MYH7: variants seen among roughly 807,000 people sequenced by gnomAD.
The protein encoded by MYH7 is myosin heavy chain 7, also known as myosin-7.
Under a neutral mutation model 225.4 loss-of-function variants are expected in MYH7, and 129 were observed. That is an observed-to-expected ratio of 0.57 (90% CI 0.50 to 0.66). The LOEUF (loss-of-function observed/expected upper bound fraction) is 0.66. Ranked by LOEUF, MYH7 falls within the 30% of genes least tolerant of loss-of-function variation. The pLI is 0.00. For missense variants in MYH7, 1,649 were observed against 2,517.0 expected, an observed-to-expected ratio of 0.66 and a Z score of 7.38; for synonymous variants, 971 against 1,007.6, an observed-to-expected ratio of 0.96 and a Z score of 0.69.
At chr14:23,420,816 A>G in intron 26 of MYH7, 142 bp downstream of exon 26, 1 of 707,448 alleles carries the variant, frequency 1.4e-6, no homozygotes, top group East Asian at 2.7e-5. Flanking sequence ...ATCCATGGGC[A>G]CACTGTGATA....
chr14:23,432,413 C>A (rs1892985304), intron 6 of MYH7, 66 bp downstream of exon 6: 2 of 1,602,382 alleles, frequency 1.2e-6, no homozygotes, highest in Admixed American at 1.7e-5. Context: ...GCCTGGGACA[C>A]CTGATGGGGC....
chr14:23,435,374 A>G (rs1338278424), intron 1 of MYH7, among the ~76,000 whole-genome samples: 2 of 151,698 alleles, frequency 1.3e-5, no homozygotes, highest in Admixed American at 6.6e-5. Flanking sequence ...CCACACACAC[A>G]CACACACACA....
chr14:23,431,049 G>T, intron 9 of MYH7, 50 bp from the exon 10 acceptor site: 1 of 1,370,576 alleles, frequency 7.3e-7, no homozygotes, highest in Non-Finnish European at 1.0e-6. Flanking sequence ...TAGGGTTTGG[G>T]CACAAGGAAA....
chr14:23,421,172 G>T, intron 25 of MYH7, 124 bp from the exon 26 acceptor site: 2 of 734,300 alleles, frequency 2.7e-6, no homozygotes, highest in East Asian at 2.7e-5. Context: ...CAGCTTCTGG[G>T]GGTGATGTAG....
chr14:23,423,029 A>G (rs189542254), intron 24 of MYH7, among the ~76,000 whole-genome samples: 3 of 152,356 alleles, frequency 2.0e-5, no homozygotes, highest in African/African-American at 7.2e-5. Flanking sequence ...GTTCCTATCT[A>G]AAGGAAGCTT....
rs1257980330 is a variant in MYH7, at chr14:23,416,182, C to A, written c.4775G>T (p.Arg1592Leu). 2 of 1,614,164 alleles carry A rather than the reference C, an allele frequency of 1.2e-6. No individual in the cohort carries two copies. The highest frequency in any genetic ancestry group is 2.2e-5 in the East Asian group (1 of 44,852). ...EMEQAKRNHL[R>L]VVDSLQTSLD... ...GGAGGTCTGCAGCGAGTCCACCACC[C>A]GCAGGTGGTTGCGCTTGGCCTGTTC... Residue 1592 changes from arginine to leucine, a missense_variant, in exon 34 of 40, where the codon CGG becomes CTG. Around this residue, in one of 12 missense-constraint regions of MYH7, gnomAD observed 687 missense variants for 913.8 expected, o/e 0.75. Transcript: ENST00000355349.
chr14:23,418,471 C>T, intron 29 of MYH7, 65 bp from the exon 30 acceptor site: 2 of 1,507,952 alleles, frequency 1.3e-6, no homozygotes, highest in Non-Finnish European at 1.8e-6. Context: ...CACCCTTGCC[C>T]TTCTCCTCAC....
In MYH7 at chr14:23,425,006, G is replaced by C. The variant is rs1892638805; in HGVS notation, c.2442C>G (p.Ile814Met). 6.2e-7 allele frequency: 1 copy of C among 1,614,066 alleles called. No homozygotes were observed. Among genetic ancestry groups the C allele is most frequent in the Non-Finnish European group, 8.5e-7 (1 of 1,180,056 alleles). The change falls in exon 22 of 40, where the codon ATC becomes ATG. Residue 814 changes from isoleucine (I) to methionine (M), a missense_variant. Physicochemically the swap from Ile to Met is conservative, Grantham distance 10. Transcript: ENST00000355349. The surrounding 1 kb of genome is among the most constrained non-coding windows in gnomAD (Gnocchi z 4.6). Reference protein sequence around the residue: ...LLERRDSLLVIQWNIRAFMGV... With the variant: ...LLERRDSLLVMQWNIRAFMGV... ...CCATGAAGGCCCGAATGTTCCACTG[G>C]ATTACCAGCAGGGAGTCTCTGCAGG...
intron 9 of MYH7, 79 bp downstream of exon 9, chr14:23,431,339 G>A: frequency 1.6e-6 from 2 of 1,247,200 alleles, no homozygotes; most frequent in Non-Finnish European, 2.3e-6. Context: ...GGAGGGAGGG[G>A]AGAGAGAGAG....
intron 24 of MYH7, 21 bp from the exon 25 acceptor site, chr14:23,422,346 G>C: frequency 6.2e-7 from 1 of 1,614,080 alleles, no homozygotes; most frequent in Non-Finnish European, 8.5e-7. Flanking sequence ...GAAGGAGCCA[G>C]GCCCAGTGAG....
At chr14:23,434,743 C>G (rs2239577) in intron 1 of MYH7, among the ~76,000 whole-genome samples, 29,506 of 152,090 alleles carry the variant, frequency 0.19, 4,309 homozygotes, top group African/African-American at 0.41. Flanking sequence ...TCTAAAGAGA[C>G]TTCTTTTCCA....
Position 23,414,992 on chromosome 14 carries a change from C to T in MYH7, c.5559+3G>A, listed in dbSNP as rs1355535952. The T allele has an allele frequency of 1.9e-6, 3 of 1,606,500 alleles. No individual in the cohort carries two copies. The highest frequency in any genetic ancestry group is 4.5e-5 in the East Asian group (2 of 44,876). On this transcript the variant is annotated splice_donor_region_variant and intron_variant, in intron 37 of 39. Transcript: ENST00000355349. ...CTCTGCCTGGAGTCACCGCCCGTCG[C>T]ACCTGGTAGGTGAGCTCCTTGATGC...
chr14:23,434,956 T>A (rs1168462015), intron 1 of MYH7, among the ~76,000 whole-genome samples: 1 of 151,922 alleles, frequency 6.6e-6, no homozygotes, highest in Non-Finnish European at 1.5e-5. Context: ...AACCCCAGGG[T>A]GCCATATATG....
In MYH7 at chr14:23,420,247, A is replaced by G. The variant is rs1892421745; in HGVS notation, c.3337-13T>C. ...CCTCGATGCGTGCCTGGTCAGACAC[A>G]AAGGGCTCAGACCCACCGCCTGGAC... On this transcript the variant is annotated splice_polypyrimidine_tract_variant and intron_variant, in intron 26 of 39. Coordinates refer to ENST00000355349, the MANE Select transcript of MYH7 (RefSeq NM_000257.4). 1.9e-6 allele frequency: 3 copies of G among 1,610,082 alleles called. No individual in the cohort carries two copies. The highest frequency in any genetic ancestry group is 2.5e-6 in the Non-Finnish European group (3 of 1,179,232).
intron 1 of MYH7, among the ~76,000 whole-genome samples, chr14:23,434,604 C>A (rs1252437287): frequency 6.6e-6 from 1 of 152,210 alleles, no homozygotes; most frequent in Non-Finnish European, 1.5e-5. Context: ...AAAAGCACTT[C>A]AATGCACTTT....
At chr14:23,416,838 C>G in intron 33 of MYH7, 30 bp downstream of exon 33, 1 of 1,613,884 alleles carries the variant, frequency 6.2e-7, no homozygotes, top group Non-Finnish European at 8.5e-7. Context: ...GCTCAGCTCC[C>G]TGCACCCCGT....
intron 1 of MYH7, 53 bp downstream of exon 1, chr14:23,435,567 C>T (rs1893107808): frequency 6.6e-6 from 1 of 152,452 alleles, no homozygotes; most frequent in African/African-American, 2.4e-5. Flanking sequence ...GAATCCCTTC[C>T]TAAGCCTGGA....
intron 29 of MYH7, 26 bp from the exon 30 acceptor site, chr14:23,418,432 T>G (rs1185033770): frequency 6.3e-7 from 1 of 1,589,694 alleles, no homozygotes; most frequent in African/African-American, 1.3e-5. Flanking sequence ...CACCAGGAGG[T>G]GGGTTCAGCT....
Position 23,425,562 on chromosome 14 carries a change from G to A in MYH7, c.2286+133C>T, listed in dbSNP as rs1368718418. 7.6e-6 allele frequency: 12 copies of A among 1,575,888 alleles called. No homozygotes were observed. The highest frequency in any genetic ancestry group is 8.7e-6 in the Non-Finnish European group (10 of 1,154,858). ...AGCTGGAGCTGGGATGAGGGGAGTGGTGCTAGATGTTCCACTGGGAGGGGT... is the reference window on the plus strand; with the variant it reads ...AGCTGGAGCTGGGATGAGGGGAGTGATGCTAGATGTTCCACTGGGAGGGGT... On this transcript the variant is annotated intron_variant, in intron 20 of 39. Transcript: ENST00000355349. This position sits in a 1 kb window ranked among gnomAD's most constrained non-coding sequence, Gnocchi z 4.6.
Sources: gnomAD v4.1 joint callset for allele counts (sites outside exome capture counted in the v4.1 genomes callset) on GRCh38, gnomAD v4.1.1 for gene constraint, gnomAD v4.1.1 regional missense constraint, Gnocchi (gnomAD v3.1) non-coding constraint, MANE v1.5 for transcripts, NCBI Gene and HGNC (gene_info 2026-07-23, HGNC 2026-07-21) for gene names.